Variants in NFAM1 observed in about 807,000 individuals in gnomAD.
The protein encoded by NFAM1 is NFAT activating protein with ITAM motif 1.
Under a neutral mutation model 29.0 loss-of-function variants are expected in NFAM1, and 17 were observed. The observed-to-expected ratio is 0.59, with a 90% confidence interval of 0.40 to 0.88. NFAM1 has a LOEUF of 0.88. NFAM1 is among the 40% of genes least tolerant of loss of function. NFAM1 has a pLI of 0.00. For missense variants in NFAM1, 324 were observed against 344.6 expected (o/e 0.94, Z 0.47); for synonymous variants, 175 against 147.2 (o/e 1.19, Z -1.36).
At chr22:42,415,208 A>C (rs1372606573) in intron 1 of NFAM1, among the ~76,000 whole-genome samples, 1 of 151,822 alleles carries the variant, frequency 6.6e-6, no homozygotes, top group Non-Finnish European at 1.5e-5. Context: ...GGAGGTCCGC[A>C]GTTACAGCCA....
intron 1 of NFAM1, among the ~76,000 whole-genome samples, chr22:42,426,675 G>T (rs1235207316): frequency 6.6e-6 from 1 of 152,196 alleles, no homozygotes; most frequent in Non-Finnish European, 1.5e-5. Flanking sequence ...CCTACAGGGG[G>T]ACTGGGGAGG....
chr22:42,431,967 G>A (rs1461640012), intron 1 of NFAM1, among the ~76,000 whole-genome samples: 1 of 152,154 alleles, frequency 6.6e-6, no homozygotes, highest in Non-Finnish European at 1.5e-5. Context: ...CTTGTTTAAG[G>A]GCCAGGAGGC....
intron 3 of NFAM1, among the ~76,000 whole-genome samples, chr22:42,404,072 C>T (rs1235192324): frequency 6.6e-6 from 1 of 152,172 alleles, no homozygotes; most frequent in Admixed American, 6.5e-5. Flanking sequence ...GCCCCAGCCC[C>T]TCCGGGCAGA....
intron 1 of NFAM1, among the ~76,000 whole-genome samples, chr22:42,415,341 C>T (rs373829301): frequency 6.7e-6 from 1 of 148,986 alleles, no homozygotes; most frequent in East Asian, 2.0e-4. Context: ...GCTCTGTCGC[C>T]CAGGCTGGAG....
At chr22:42,431,928 C>G (rs1930815736) in intron 1 of NFAM1, among the ~76,000 whole-genome samples, 1 of 152,194 alleles carries the variant, frequency 6.6e-6, no homozygotes, top group Non-Finnish European at 1.5e-5. Flanking sequence ...TGCCCCGCCC[C>G]TGGCCCCAGC....
intron 5 of NFAM1, among the ~76,000 whole-genome samples, chr22:42,386,620 G>A (rs930980872): frequency 6.6e-6 from 1 of 152,114 alleles, no homozygotes; most frequent in Non-Finnish European, 1.5e-5. Context: ...TGTGGACACT[G>A]TGCCCAGTGA....
chr22:42,393,121 A>G (rs1487914448), intron 4 of NFAM1, among the ~76,000 whole-genome samples: 1 of 151,922 alleles, frequency 6.6e-6, no homozygotes, highest in Non-Finnish European at 1.5e-5. Context: ...TTTTCATGTC[A>G]TAATATGCCA....
chr22:42,430,143 G>C (rs568878596), intron 1 of NFAM1, among the ~76,000 whole-genome samples: 1 of 152,216 alleles, frequency 6.6e-6, no homozygotes, highest in South Asian at 2.1e-4. Context: ...ACACGCTGTG[G>C]TTCCAGTTAT....
chr22:42,435,195 C>G (rs1443778238), upstream of NFAM1, among the ~76,000 whole-genome samples: 1 of 152,196 alleles, frequency 6.6e-6, no homozygotes, highest in African/African-American at 2.4e-5. Context: ...AAAGTAATTT[C>G]TGAGTGGCAG....
rs1311535839 is a variant in NFAM1, at chr22:42,419,468, GT to G, written c.122-7733del. On this transcript the variant is annotated intron_variant, in intron 1 of 5. Transcript: ENST00000329021. This position sits in a 1 kb window ranked among gnomAD's most constrained non-coding sequence, Gnocchi z 4.5. Reference sequence around the variant, plus strand: ...CACTGTTTGCGACCTTCTAGTTTCAGTTATATTCATACAATTGGGTTCAGAC... The same window carrying G: ...CACTGTTTGCGACCTTCTAGTTTCAGTATATTCATACAATTGGGTTCAGAC... 6.6e-6 allele frequency among the ~76,000 whole-genome samples: 1 copy of G among 152,230 alleles called. No homozygotes were observed. Among genetic ancestry groups the G allele is most frequent in the Non-Finnish European group, 1.5e-5 (1 of 68,038 alleles).
In NFAM1 at chr22:42,380,794, CAA is replaced by C. The variant is rs376475566; in HGVS notation, c.*4365_*4366del. 664 of 137,174 alleles carry C rather than the reference CAA, an allele frequency of 4.8e-3. 3 individuals carry two copies. Among genetic ancestry groups the C allele is most frequent in the Non-Finnish European group, 7.2e-3 (450 of 62,668 alleles). The allele number at this position is 137,174 out of a possible 1,614,324, so 8.5% of individuals were successfully genotyped here. A position where few individuals can be genotyped will look rare whatever the true frequency, so the allele number is the denominator to read the frequency against. The stretch of plus-strand genomic sequence containing the variant: ...GACTTTACATTAGAATGTGCTTTAA[CAA>C]AAAAAAAAAGAGAGAGAGAGAGAAA... On this transcript the variant is annotated 3_prime_UTR_variant, in exon 6 of 6. Transcript: ENST00000329021.
intron 4 of NFAM1, among the ~76,000 whole-genome samples, chr22:42,389,094 TCA>T (rs1929245242): frequency 6.6e-6 from 1 of 152,182 alleles, no homozygotes; most frequent in African/African-American, 2.4e-5. Flanking sequence ...ATGATTCTGG[TCA>T]CAGAGAAAAG....
chr22:42,400,482 G>A (rs1320960389), intron 3 of NFAM1, among the ~76,000 whole-genome samples: 1 of 152,160 alleles, frequency 6.6e-6, no homozygotes, highest in Non-Finnish European at 1.5e-5. Context: ...GCCATGTGTG[G>A]TGGTGAGCAC....
chr22:42,435,506 C>G (rs1930917922), upstream of NFAM1, among the ~76,000 whole-genome samples: 1 of 151,956 alleles, frequency 6.6e-6, no homozygotes, highest in Admixed American at 6.6e-5. Context: ...TGCCACCACG[C>G]CCGGCTAATT....
intron 1 of NFAM1, among the ~76,000 whole-genome samples, chr22:42,420,362 C>T (rs1930407208): frequency 6.6e-6 from 1 of 152,088 alleles, no homozygotes. Flanking sequence ...GTCCTAGCTA[C>T]TCAGGAGGCT....
At chr22:42,437,259 C>G (rs1234897574), upstream of NFAM1, among the ~76,000 whole-genome samples, 1 of 151,350 alleles carries the variant, frequency 6.6e-6, no homozygotes, top group Non-Finnish European at 1.5e-5. Flanking sequence ...TCTCCTGTCT[C>G]AGCCTCCCAA....
Position 42,409,547 on chromosome 22 carries a change from T to C in NFAM1, c.452A>G (p.Asp151Gly). 6.7e-7 allele frequency: 1 copy of C among 1,484,936 alleles called. No individual in the cohort carries two copies. Among genetic ancestry groups the C allele is most frequent in the Non-Finnish European group, 9.0e-7 (1 of 1,108,358 alleles). 92.0% of individuals were successfully genotyped at this position (1,484,936 alleles called of 1,614,324 possible). Residue 151 changes from aspartate (D) to glycine (G), a missense_variant and splice_region_variant, in exon 3 of 6, where the codon GAC becomes GGC. Transcript: ENST00000329021. This position sits in a 1 kb window ranked among gnomAD's most constrained non-coding sequence, Gnocchi z 4.9. ...RGSGTFILVR[D>G]AGYREPPQSP... ...CTGCGGGGGCTCTCGGTACCCTGCG[T>C]CTAGGAGGAAGCGCAGGGGAGCAGA...
intron 1 of NFAM1, among the ~76,000 whole-genome samples, chr22:42,424,186 C>T (rs372032356): frequency 7.2e-5 from 11 of 151,924 alleles, no homozygotes; most frequent in Non-Finnish European, 1.0e-4. Flanking sequence ...GAGGCCAAGG[C>T]GGGCGGATCA....
In NFAM1 at chr22:42,419,542, A is replaced by G. The variant is rs980583286; in HGVS notation, c.122-7806T>C. Among the ~76,000 whole-genome samples, 2 of 152,198 alleles carry G rather than the reference A, an allele frequency of 1.3e-5. No homozygotes were observed. The highest frequency in any genetic ancestry group is 2.9e-5 in the Non-Finnish European group (2 of 68,022). On this transcript the variant is annotated intron_variant, in intron 1 of 5. Transcript: ENST00000329021. This position sits in a 1 kb window ranked among gnomAD's most constrained non-coding sequence, Gnocchi z 4.5. Reference sequence around the variant, plus strand: ...CTCTTAACTTTGGGCCACTGCTAAGAAAAATGGAAAGTCCCTGGCTTGGAG... The same window carrying G: ...CTCTTAACTTTGGGCCACTGCTAAGGAAAATGGAAAGTCCCTGGCTTGGAG...
Sources: gnomAD v4.1 joint callset for allele counts (sites outside exome capture counted in the v4.1 genomes callset) on GRCh38, gnomAD v4.1.1 for gene constraint, Gnocchi (gnomAD v3.1) non-coding constraint, MANE v1.5 for transcripts, NCBI Gene and HGNC (gene_info 2026-07-23, HGNC 2026-07-21) for gene names.